The following WWC1 variants were observed in gnomAD, a reference collection of about 807,000 sequenced individuals.
WWC1 encodes the protein protein KIBRA.
Under a neutral mutation model 138.4 loss-of-function variants are expected in WWC1, and 55 were observed. That is an observed-to-expected ratio of 0.40 (90% confidence interval 0.32 to 0.50). The LOEUF is 0.50. Among genes scored for constraint, WWC1 ranks in the 20% least tolerant of loss-of-function variants. The pLI is 0.72. For missense variants in WWC1, 1,226 were observed against 1,420.4 expected, an observed-to-expected ratio of 0.86 and a Z score of 2.20; for synonymous variants, 524 against 564.9, an observed-to-expected ratio of 0.93 and a Z score of 1.03.
chr5:168,317,764 GT>G (rs1368574876), intron 1 of WWC1, among the ~76,000 whole-genome samples: 1 of 152,196 alleles, frequency 6.6e-6, no homozygotes, highest in Non-Finnish European at 1.5e-5. Flanking sequence ...GACTGGGACA[GT>G]TTAGATCTAA....
intron 1 of WWC1, among the ~76,000 whole-genome samples, chr5:168,354,208 T>G (rs1775220618): frequency 6.6e-6 from 1 of 152,000 alleles, no homozygotes; most frequent in Non-Finnish European, 1.5e-5. Flanking sequence ...CTGCCACCAC[T>G]CCCAGCTGTT....
At chr5:168,385,114 C>A in intron 2 of WWC1, 97 bp from the exon 3 acceptor site, 1 of 1,174,120 alleles carries the variant, frequency 8.5e-7, no homozygotes, top group Non-Finnish European at 1.2e-6. Context: ...TTTGTCTATG[C>A]ATTTTGCTTT....
chr5:168,451,903 CTTTTTTTTTT>C, intron 17 of WWC1, among the ~76,000 whole-genome samples: 1 of 108,528 alleles, frequency 9.2e-6, no homozygotes, highest in South Asian at 3.0e-4. Flanking sequence ...TTGTTGGTGT[CTTTTTTTTTT>C]TTTTTTTTTT....
chr5:168,299,994 G>A (rs1320452472), intron 1 of WWC1, among the ~76,000 whole-genome samples: 3 of 152,142 alleles, frequency 2.0e-5, no homozygotes, highest in Non-Finnish European at 2.9e-5. Flanking sequence ...GAAGTGGCCT[G>A]GTGACATCCC....
At chr5:168,312,003 C>T (rs555419892) in intron 1 of WWC1, among the ~76,000 whole-genome samples, 7 of 148,896 alleles carry the variant, frequency 4.7e-5, no homozygotes, top group South Asian at 2.1e-4. Context: ...GAGCTGAGAT[C>T]GTGCCACTGC....
At chr5:168,459,330 A>G (rs1275182967) in intron 19 of WWC1, among the ~76,000 whole-genome samples, 1 of 152,006 alleles carries the variant, frequency 6.6e-6, no homozygotes, top group Non-Finnish European at 1.5e-5. Flanking sequence ...GTTTATATGA[A>G]TCTACCCCAG....
chr5:168,310,853 T>G (rs574139124), intron 1 of WWC1, among the ~76,000 whole-genome samples: 1 of 105,366 alleles, frequency 9.5e-6, no homozygotes, highest in East Asian at 2.1e-4. Flanking sequence ...AAAGCATAAC[T>G]TGGAGATACG....
intron 1 of WWC1, among the ~76,000 whole-genome samples, chr5:168,320,872 G>A (rs1772012593): frequency 6.6e-6 from 1 of 152,120 alleles, no homozygotes; most frequent in African/African-American, 2.4e-5. Flanking sequence ...ATGAGTGAGT[G>A]CAGAACTGGC....
intron 1 of WWC1, among the ~76,000 whole-genome samples, chr5:168,298,619 C>G (rs1237413028): frequency 6.6e-6 from 1 of 152,052 alleles, no homozygotes; most frequent in Non-Finnish European, 1.5e-5. Flanking sequence ...TAGGGAGAAG[C>G]AAGAGATTTG....
intron 20 of WWC1, among the ~76,000 whole-genome samples, chr5:168,464,204 T>G (rs17070248): frequency 0.024 from 3,626 of 152,150 alleles, 175 homozygotes; most frequent in African/African-American, 0.084. Context: ...AGGGGCCCAT[T>G]ACAGGAACAC....
intron 3 of WWC1, among the ~76,000 whole-genome samples, chr5:168,390,603 C>G (rs999964791): frequency 1.3e-5 from 2 of 152,224 alleles, no homozygotes; most frequent in African/African-American, 4.8e-5. Flanking sequence ...ACTCTGTCTT[C>G]AAGTTTTACA....
chr5:168,397,682 G>T, intron 3 of WWC1, 42 bp from the exon 4 acceptor site: 1 of 1,609,958 alleles, frequency 6.2e-7, no homozygotes, highest in Non-Finnish European at 8.5e-7. Context: ...GCTGAAATCT[G>T]TTTCTTCTAC....
At chr5:168,297,842 C>T (rs528845340) in intron 1 of WWC1, among the ~76,000 whole-genome samples, 8 of 152,142 alleles carry the variant, frequency 5.3e-5, no homozygotes, top group African/African-American at 1.7e-4. Context: ...TCTCCATAAT[C>T]GTTTTTGATT....
At position 168,455,436 on chromosome 5, in the gene WWC1, G is replaced by T; in HGVS notation, c.2739G>T (p.Pro913=). The T allele has an allele frequency of 6.2e-7, 1 of 1,612,242 alleles. No homozygotes were observed. Among genetic ancestry groups the T allele is most frequent in the Non-Finnish European group, 8.5e-7 (1 of 1,179,232 alleles). ...VRPKDRRVGT[P]SQGPFLRGST... The stretch of plus-strand genomic sequence containing the variant: ...CTAAGGACCGGAGAGTGGGCACCCC[G>T]TCCCAGGGGCCATTTCTTCGAGGGA... The change falls in exon 19 of 23, where the codon CCG becomes CCT. Residue 913 remains proline (P), a synonymous_variant. Transcript: ENST00000265293.
At chr5:168,374,476 G>T (rs1053950862) in intron 2 of WWC1, among the ~76,000 whole-genome samples, 1 of 152,152 alleles carries the variant, frequency 6.6e-6, no homozygotes, top group African/African-American at 2.4e-5. Context: ...AGAAAGCATA[G>T]ATAGAAGAAG....
intron 1 of WWC1, among the ~76,000 whole-genome samples, chr5:168,322,012 T>C (rs1234525638): frequency 6.6e-6 from 1 of 152,222 alleles, no homozygotes; most frequent in Non-Finnish European, 1.5e-5. Flanking sequence ...CCTGGAAATA[T>C]TTGAGATCCT....
chr5:168,336,387 G>A (rs184512320), intron 1 of WWC1, among the ~76,000 whole-genome samples: 575 of 152,050 alleles, frequency 3.8e-3, no homozygotes, highest in African/African-American at 0.013. Flanking sequence ...CCTGGTCAAT[G>A]TGGTGAAACC....
intron 17 of WWC1, among the ~76,000 whole-genome samples, chr5:168,452,432 C>T (rs1186463771): frequency 6.6e-6 from 1 of 152,080 alleles, no homozygotes; most frequent in Non-Finnish European, 1.5e-5. Context: ...ACACAGACAC[C>T]AGGGATGCGC....
intron 9 of WWC1, among the ~76,000 whole-genome samples, chr5:168,418,944 A>G (rs1164468556): frequency 1.3e-5 from 2 of 152,168 alleles, no homozygotes; most frequent in Non-Finnish European, 2.9e-5. Flanking sequence ...GAACAGTGCC[A>G]GGGATTGAGC....
Sources: allele counts gnomAD v4.1 joint callset (sites outside exome capture counted in the v4.1 genomes callset), GRCh38; gene constraint gnomAD v4.1.1; transcripts MANE v1.5; gene names NCBI Gene and HGNC (gene_info 2026-07-23, HGNC 2026-07-21).